GRIA1: variants seen among roughly 807,000 people sequenced by gnomAD.
GRIA1 encodes the protein glutamate ionotropic receptor AMPA type subunit 1, also known as glutamate receptor 1.
In GRIA1, 31 loss-of-function variants were observed where a neutral mutation model predicts 99.2. That is an observed-to-expected ratio of 0.31 (90% confidence interval 0.23 to 0.42). GRIA1 has a LOEUF of 0.42. GRIA1 is among the 10% of genes least tolerant of loss of function. The pLI is 1.00. For synonymous variants in GRIA1, 438 were observed against 432.4 expected (o/e 1.01, Z -0.16); for missense variants, 782 against 1,157.5 (o/e 0.68, Z 4.71).
chr5:153,651,182 G>A (rs184163086), intron 4 of GRIA1, among the ~76,000 whole-genome samples: 13 of 152,270 alleles, frequency 8.5e-5, no homozygotes, highest in East Asian at 1.9e-4. Context: ...TTCTGGGTTC[G>A]ACTCTGGACT....
chr5:153,724,248 A>C (rs1259274652), intron 11 of GRIA1, among the ~76,000 whole-genome samples: 1 of 151,672 alleles, frequency 6.6e-6, no homozygotes, highest in Non-Finnish European at 1.5e-5. Context: ...CCATCTGTAC[A>C]TCACCATCAT....
At chr5:153,498,005 G>A (rs1034560201) in intron 2 of GRIA1, among the ~76,000 whole-genome samples, 1 of 152,164 alleles carries the variant, frequency 6.6e-6, no homozygotes, top group African/African-American at 2.4e-5. Context: ...TTATCTATCT[G>A]CAGAAGGGGT....
At chr5:153,667,949 G>T (rs1454667909) in intron 5 of GRIA1, among the ~76,000 whole-genome samples, 5 of 152,168 alleles carry the variant, frequency 3.3e-5, no homozygotes, top group Admixed American at 2.6e-4. Flanking sequence ...ATATTAACTA[G>T]TTTACTTAAT....
chr5:153,808,352 G>A (rs1310153155), intron 15 of GRIA1, among the ~76,000 whole-genome samples: 2 of 151,998 alleles, frequency 1.3e-5, no homozygotes, highest in African/African-American at 4.8e-5. Context: ...TAGGGGAGAA[G>A]TGACAGCAGT....
chr5:153,707,322 G>A (rs1242903179), intron 11 of GRIA1, among the ~76,000 whole-genome samples: 1 of 152,052 alleles, frequency 6.6e-6, no homozygotes, highest in Non-Finnish European at 1.5e-5. Flanking sequence ...AAAGAGAAAG[G>A]GTGGACAGGA....
intron 5 of GRIA1, among the ~76,000 whole-genome samples, chr5:153,669,308 G>C (rs1165372479): frequency 6.6e-6 from 1 of 152,154 alleles, no homozygotes; most frequent in Non-Finnish European, 1.5e-5. Context: ...AAAGCTGTTT[G>C]AATAAAGTTA....
At chr5:153,501,060 G>A (rs1754968616) in intron 2 of GRIA1, among the ~76,000 whole-genome samples, 1 of 152,160 alleles carries the variant, frequency 6.6e-6, no homozygotes, top group Non-Finnish European at 1.5e-5. Context: ...GCTAGCAAGA[G>A]GATCCCTAAA....
At chr5:153,527,391 T>A (rs1024674851) in intron 2 of GRIA1, among the ~76,000 whole-genome samples, 2 of 152,200 alleles carry the variant, frequency 1.3e-5, no homozygotes, top group Non-Finnish European at 2.9e-5. Context: ...ATTTGGAAAT[T>A]AATTATGGTT....
At chr5:153,514,440 A>C (rs1213091421) in intron 2 of GRIA1, among the ~76,000 whole-genome samples, 8 of 152,224 alleles carry the variant, frequency 5.3e-5, no homozygotes, top group Non-Finnish European at 1.2e-4. Flanking sequence ...CATTTATTGA[A>C]GAGACTATCC....
chr5:153,632,473 G>C (rs1028550377), intron 2 of GRIA1, among the ~76,000 whole-genome samples: 1 of 152,200 alleles, frequency 6.6e-6, no homozygotes, highest in Non-Finnish European at 1.5e-5. Flanking sequence ...TTTATTGGCT[G>C]TGCTACTCAG....
Position 153,714,835 on chromosome 5 carries a change from T to C in GRIA1, c.1823+8768T>C, listed in dbSNP as rs1419712266. Among the ~76,000 whole-genome samples, 6 of 152,212 alleles carry C rather than the reference T, an allele frequency of 3.9e-5. No homozygotes were observed. The East Asian group carries it at 5.8e-4, about 15-fold the overall frequency. ...TACCTCTAGCTATGTCCAACGGAGA[T>C]AATAGGTGAATTAAGTCCAAGACAC... is the stretch of plus-strand genomic sequence containing the variant. On this transcript the variant is annotated intron_variant, in intron 11 of 15. Transcript: ENST00000285900.
chr5:153,665,291 C>CT (rs1190909626), intron 5 of GRIA1, among the ~76,000 whole-genome samples: 1 of 152,200 alleles, frequency 6.6e-6, no homozygotes, highest in African/African-American at 2.4e-5. Flanking sequence ...ATACTGGATA[C>CT]TTGTATGAGG....
intron 2 of GRIA1, among the ~76,000 whole-genome samples, chr5:153,521,620 A>G (rs959006593): frequency 6.6e-6 from 1 of 152,196 alleles, no homozygotes; most frequent in African/African-American, 2.4e-5. Flanking sequence ...GGCTCAGGGG[A>G]CCAATTTGCT....
At chr5:153,781,980 C>A (rs900189301) in intron 13 of GRIA1, among the ~76,000 whole-genome samples, 1 of 152,102 alleles carries the variant, frequency 6.6e-6, no homozygotes, top group Non-Finnish European at 1.5e-5. Flanking sequence ...GGGGTAAAAC[C>A]TATGTGGTTT....
At chr5:153,637,406 T>C (rs1039733413) in intron 2 of GRIA1, among the ~76,000 whole-genome samples, 2 of 152,140 alleles carry the variant, frequency 1.3e-5, no homozygotes, top group Non-Finnish European at 2.9e-5. Flanking sequence ...GTACTAACAA[T>C]CCATGACTCT....
At chr5:153,806,673 G>A (rs181911641) in intron 15 of GRIA1, among the ~76,000 whole-genome samples, 7 of 152,322 alleles carry the variant, frequency 4.6e-5, no homozygotes, top group South Asian at 2.1e-4. Flanking sequence ...ATGAAAGAAC[G>A]AGAGGAAGAG....
intron 2 of GRIA1, among the ~76,000 whole-genome samples, chr5:153,578,830 C>T (rs1023721324): frequency 6.6e-6 from 1 of 152,170 alleles, no homozygotes; most frequent in Non-Finnish European, 1.5e-5. Context: ...ATTGCTTGAA[C>T]CCGCCAGGTG....
chr5:153,519,308 G>A (rs944141924), intron 2 of GRIA1, among the ~76,000 whole-genome samples: 5 of 151,942 alleles, frequency 3.3e-5, no homozygotes, highest in South Asian at 2.1e-4. Context: ...GTCTCAGGCC[G>A]GACCTCCTGA....
Position 153,781,420 on chromosome 5 carries a change from C to T in GRIA1, c.2270+11005C>T, listed in dbSNP as rs148214839. 4.6e-5 allele frequency among the ~76,000 whole-genome samples: 7 copies of T among 152,138 alleles called. No individual in the cohort carries two copies. In the South Asian group the frequency reaches 1.2e-3, roughly 27 times the overall value. ...CCCTGTGGCCCACAAACACAACTTT[C>T]CCCCACTCCTGTATCTTCACTTGTA... On this transcript the variant is annotated intron_variant, in intron 13 of 15. Coordinates refer to ENST00000285900, the MANE Select transcript of GRIA1 (RefSeq NM_000827.4).
Sources: allele counts gnomAD v4.1 joint callset (sites outside exome capture counted in the v4.1 genomes callset), GRCh38; gene constraint gnomAD v4.1.1; transcripts MANE v1.5; gene names NCBI Gene and HGNC (gene_info 2026-07-23, HGNC 2026-07-21).